Variants in COPA observed in about 807,000 individuals in gnomAD.
The protein encoded by COPA is coatomer subunit alpha.
A neutral mutation model predicts 158.7 loss-of-function variants in COPA; 10 were observed. The ratio of observed to expected loss-of-function variants is 0.06; its 90% confidence interval spans 0.04 to 0.11. The LOEUF (loss-of-function observed/expected upper bound fraction) is 0.11, where lower values mean the gene tolerates loss of function less well. Ranked by LOEUF, COPA falls within the 10% of genes least tolerant of loss-of-function variation. COPA has a pLI of 1.00. For synonymous variants in COPA, 462 were observed against 542.8 expected (o/e 0.85, Z 2.07); for missense variants, 1,065 against 1,536.7 (o/e 0.69, Z 5.13).
intron 24 of COPA, 75 bp from the exon 25 acceptor site, chr1:160,294,668 T>C (rs1252186274): frequency 1.9e-6 from 3 of 1,597,450 alleles, no homozygotes; most frequent in African/African-American, 2.7e-5. Context: ...AAATCAATCC[T>C]AGTTCGTTTC....
rs559332322 is a variant in COPA, at chr1:160,307,245, G to A, written c.1220C>T (p.Ala407Val). ...GCCTGAGGATCGTTTCCCTTCAGGC[G>A]CTGAGAAGAACAAAACCAAAGGGTG... ...PKDADSQNPD[A>V]PEGKRSSGLT... Residue 407 changes from alanine to valine, a missense_variant and splice_region_variant, in exon 14 of 33, where the codon GCG (alanine) becomes GTG (valine). Transcript: ENST00000241704. 14 of 1,614,122 alleles carry A rather than the reference G, an allele frequency of 8.7e-6. No homozygotes were observed. Among genetic ancestry groups the A allele is most frequent in the South Asian group, 4.4e-5 (4 of 91,088 alleles).
At position 160,323,415 on chromosome 1, in the gene COPA, TA is replaced by T. The variant is rs1659390801; in HGVS notation, c.706+15del. 6.3e-7 allele frequency: 1 copy of T among 1,585,926 alleles called. No homozygotes were observed. Among genetic ancestry groups the T allele is most frequent in the Admixed American group, 1.7e-5 (1 of 57,914 alleles). ...CAGTTTCTTAGATATGGCGATAATG[TA>T]ACCGGTTCACTCACCATTCATGCGC... On this transcript the variant is annotated intron_variant, in intron 8 of 32. Coordinates refer to ENST00000241704, the MANE Select transcript of COPA (RefSeq NM_004371.4).
intron 6 of COPA, 25 bp from the exon 7 acceptor site, chr1:160,325,677 G>A: frequency 1.3e-6 from 2 of 1,534,492 alleles, no homozygotes; most frequent in Non-Finnish European, 1.8e-6. Flanking sequence ...GGAGTGGGAT[G>A]AAAGATGTAA....
In COPA at chr1:160,296,272, C is replaced by T. The variant is rs1265445455; in HGVS notation, c.2264-123G>A. On this transcript the variant is annotated intron_variant, in intron 21 of 32. Coordinates refer to ENST00000241704, the MANE Select transcript of COPA (RefSeq NM_004371.4). The stretch of plus-strand genomic sequence containing the variant: ...CTGGTATTCAAGTTGTTGCAAAATA[C>T]CCACCTCTTAAGTGTGGGCTGGATT... The T allele has an allele frequency of 4.1e-6, 3 of 737,876 alleles. No individual in the cohort carries two copies. In the African/African-American group the frequency reaches 5.2e-5, roughly 13 times the overall value. The allele number at this position is 737,876 out of a possible 1,614,324, so 45.7% of individuals were successfully genotyped here.
chr1:160,299,079 T>C (rs1489529113), intron 18 of COPA, 23 bp downstream of exon 18: 3 of 1,611,170 alleles, frequency 1.9e-6, no homozygotes, highest in Non-Finnish European at 2.5e-6. Flanking sequence ...CTTAATACTC[T>C]AGTTTGCATC....
chr1:160,333,866 C>T (rs1456394723), intron 4 of COPA, among the ~76,000 whole-genome samples, 187 bp from the exon 5 acceptor site: 2 of 152,172 alleles, frequency 1.3e-5, no homozygotes, highest in South Asian at 2.1e-4. Context: ...TTCTCAACTT[C>T]GGCACTTTCA....
chr1:160,324,364 A>G (rs1659426505), intron 7 of COPA, among the ~76,000 whole-genome samples: 2 of 142,014 alleles, frequency 1.4e-5, no homozygotes, highest in African/African-American at 5.3e-5. Flanking sequence ...AATCATATTA[A>G]TTGCTCCCTG....
intron 8 of COPA, chr1:160,317,263 C>G (rs1659179084): frequency 4.0e-6 from 3 of 748,636 alleles, no homozygotes; most frequent in Non-Finnish European, 7.0e-6. Context: ...GAAAAAAACA[C>G]TAATGTGGTA....
chr1:160,335,500 T>C (rs1362808867), intron 3 of COPA, among the ~76,000 whole-genome samples, 178 bp from the exon 4 acceptor site: 1 of 152,044 alleles, frequency 6.6e-6, no homozygotes, highest in Non-Finnish European at 1.5e-5. Flanking sequence ...TGTTTAAGAT[T>C]TGAGGGGAAA....
intron 7 of COPA, among the ~76,000 whole-genome samples, chr1:160,324,027 AT>A (rs1397061902): frequency 1.3e-5 from 2 of 151,658 alleles, no homozygotes; most frequent in Non-Finnish European, 2.9e-5. Context: ...TACCCGGCTA[AT>A]TTTTTTGTAT....
At chr1:160,341,444 C>T (rs1398323421) in intron 1 of COPA, among the ~76,000 whole-genome samples, 1 of 152,176 alleles carries the variant, frequency 6.6e-6, no homozygotes, top group African/African-American at 2.4e-5. Flanking sequence ...TTTTGGCTAT[C>T]AGAAGAGCCT....
chr1:160,318,224 A>T (rs74125583), intron 8 of COPA, among the ~76,000 whole-genome samples: 5,017 of 152,234 alleles, frequency 0.033, 271 homozygotes, highest in African/African-American at 0.12. Context: ...ACTGATAAGG[A>T]GAGAGTAATG....
chr1:160,290,211 T>C lies in COPA; in HGVS notation c.3621A>G (p.Thr1207=). Residue 1207 remains threonine, a synonymous_variant, in exon 33 of 33, where the codon ACA becomes ACG. Transcript: ENST00000241704. ...KGQICRVTTV[T]EIGKDVIGLR... is the part of the protein sequence containing the mutation. ...AACCAATCACATCTTTGCCAATCTCTGTCACCTGTGGAAAAACAAACAAAG... is the reference window on the plus strand; with the variant it reads ...AACCAATCACATCTTTGCCAATCTCCGTCACCTGTGGAAAAACAAACAAAG... 6.2e-7 allele frequency: 1 copy of C among 1,613,920 alleles called. No individual in the cohort carries two copies. The highest frequency in any genetic ancestry group is 8.5e-7 in the Non-Finnish European group (1 of 1,179,808).
intron 17 of COPA, among the ~76,000 whole-genome samples, chr1:160,302,890 G>A (rs1470465840): frequency 1.3e-5 from 2 of 152,102 alleles, no homozygotes; most frequent in Non-Finnish European, 2.9e-5. Flanking sequence ...CTTATATGAA[G>A]GGCCGGGCAT....
chr1:160,291,181 C>A (rs1418548671), intron 31 of COPA, among the ~76,000 whole-genome samples, 154 bp downstream of exon 31: 2 of 152,170 alleles, frequency 1.3e-5, no homozygotes, highest in Admixed American at 1.3e-4. Context: ...AAAGGAAACA[C>A]CAAGTCAGGA....
In COPA at chr1:160,323,418, C is replaced by T. The variant is rs1221244048; in HGVS notation, c.706+13G>A. On this transcript the variant is annotated intron_variant, in intron 8 of 32. Coordinates refer to ENST00000241704, the MANE Select transcript of COPA (RefSeq NM_004371.4). Reference sequence around the variant, plus strand: ...TTTCTTAGATATGGCGATAATGTAACCGGTTCACTCACCATTCATGCGCCA... The same window carrying T: ...TTTCTTAGATATGGCGATAATGTAATCGGTTCACTCACCATTCATGCGCCA... 7 of 1,593,262 alleles carry T rather than the reference C, an allele frequency of 4.4e-6. No individual in the cohort carries two copies. The highest frequency in any genetic ancestry group is 6.0e-6 in the Non-Finnish European group (7 of 1,167,356).
chr1:160,291,910 A>G lies in COPA; in HGVS notation c.3167T>C (p.Ile1056Thr), dbSNP rs746546316. The G allele has an allele frequency of 1.2e-6, 2 of 1,614,088 alleles. No individual in the cohort carries two copies. Among genetic ancestry groups the G allele is most frequent in the Non-Finnish European group, 1.7e-6 (2 of 1,180,026 alleles). Residue 1056 changes from isoleucine (I) to threonine (T), a missense_variant, in exon 30 of 33, where the codon ATT (isoleucine) becomes ACT (threonine). Physicochemically the swap from Ile to Thr is moderately conservative, Grantham distance 89. Transcript: ENST00000241704. ...CAAACCCACAATGTACTCACGGCAAATGGTGATGAGCTGCTGGGCCTGTAG... is the reference window on the plus strand; with the variant it reads ...CAAACCCACAATGTACTCACGGCAAGTGGTGATGAGCTGCTGGGCCTGTAG... ...EIAEAQQLITICREYIVGLSV... is the reference protein window; with the variant it reads ...EIAEAQQLITTCREYIVGLSV...
At chr1:160,304,321 A>C (rs1329316057) in intron 17 of COPA, among the ~76,000 whole-genome samples, 11 of 150,988 alleles carry the variant, frequency 7.3e-5, no homozygotes, top group Non-Finnish European at 1.6e-4. Flanking sequence ...ACCCAAAAGG[A>C]AATTTTTATA....
rs34892399 is a variant in COPA, at chr1:160,288,979, C to CT, written c.*1177dup. 0.026 allele frequency among the ~76,000 whole-genome samples: 3,907 copies of CT among 151,032 alleles called. 204 individuals carry two copies. The highest frequency in any genetic ancestry group is 0.091 in the African/African-American group (3,733 of 41,160). On this transcript the variant is annotated 3_prime_UTR_variant, in exon 33 of 33. Coordinates refer to ENST00000241704, the MANE Select transcript of COPA (RefSeq NM_004371.4). Reference sequence around the variant, plus strand: ...AAAACATGTGCTTCTTTTTTTCTTTCTTTTTTTTTGAGATGGAGTCTCACT... The same window carrying CT: ...AAAACATGTGCTTCTTTTTTTCTTTCTTTTTTTTTTGAGATGGAGTCTCACT...
Sources: allele counts gnomAD v4.1 joint callset (sites outside exome capture counted in the v4.1 genomes callset), GRCh38; gene constraint gnomAD v4.1.1; transcripts MANE v1.5; gene names NCBI Gene and HGNC (gene_info 2026-07-23, HGNC 2026-07-21).